TMEM132D: variants seen among roughly 807,000 people sequenced by gnomAD.
TMEM132D encodes the protein transmembrane protein 132D, also known as mature OL transmembrane protein.
In TMEM132D, 21 loss-of-function variants were observed where a neutral mutation model predicts 62.3. That is an observed-to-expected ratio of 0.34 (90% CI 0.24 to 0.49). The LOEUF is 0.49. Among genes scored for constraint, TMEM132D ranks in the 20% least tolerant of loss-of-function variants. The pLI, the probability that TMEM132D is intolerant of heterozygous loss-of-function variation, is 0.99. For missense variants in TMEM132D, 1,346 were observed against 1,402.8 expected, an observed-to-expected ratio of 0.96 and a Z score of 0.65; for synonymous variants, 621 against 575.6, an observed-to-expected ratio of 1.08 and a Z score of -1.13.
intron 4 of TMEM132D, among the ~76,000 whole-genome samples, chr12:129,232,644 C>A (rs771562615): frequency 7.2e-5 from 11 of 152,152 alleles, no homozygotes; most frequent in Non-Finnish European, 1.0e-4. Flanking sequence ...CTCACAATCA[C>A]ATTCTGTATT....
chr12:129,301,438 A>G (rs1188709548), intron 4 of TMEM132D, among the ~76,000 whole-genome samples: 2 of 152,100 alleles, frequency 1.3e-5, no homozygotes, highest in Non-Finnish European at 2.9e-5. Context: ...GCCATTAGCA[A>G]TGCTTAAAAA....
intron 4 of TMEM132D, among the ~76,000 whole-genome samples, chr12:129,319,174 A>C (rs1488486143): frequency 2.0e-5 from 3 of 152,124 alleles, no homozygotes; most frequent in Non-Finnish European, 4.4e-5. Context: ...TTCCTTCTCC[A>C]TGTGGAGTTT....
chr12:129,473,574 G>C (rs1359218918), intron 3 of TMEM132D, among the ~76,000 whole-genome samples: 1 of 151,634 alleles, frequency 6.6e-6, no homozygotes, highest in African/African-American at 2.4e-5. Flanking sequence ...GCAGTGATCT[G>C]CCCGCCTCGG....
chr12:129,250,783 TCTTTTGGG>T (rs1164256983), intron 4 of TMEM132D, among the ~76,000 whole-genome samples: 1 of 152,204 alleles, frequency 6.6e-6, no homozygotes, highest in African/African-American at 2.4e-5. Context: ...CTGGCTCTGG[TCTTTTGGG>T]GCAGTTCTTA....
intron 5 of TMEM132D, among the ~76,000 whole-genome samples, chr12:129,148,181 C>G (rs1876968033): frequency 6.6e-6 from 1 of 152,122 alleles, no homozygotes; most frequent in Non-Finnish European, 1.5e-5. Context: ...TCCATGGCAC[C>G]TATGAGGAGC....
intron 3 of TMEM132D, among the ~76,000 whole-genome samples, chr12:129,436,326 G>A (rs1872785939): frequency 6.6e-6 from 1 of 152,132 alleles, no homozygotes; most frequent in Non-Finnish European, 1.5e-5. Flanking sequence ...GATACATGGT[G>A]TCAAAACTAA....
At chr12:129,457,278 A>T (rs939276210) in intron 3 of TMEM132D, among the ~76,000 whole-genome samples, 1 of 151,912 alleles carries the variant, frequency 6.6e-6, no homozygotes, top group African/African-American at 2.4e-5. Flanking sequence ...TGATGAGTTT[A>T]TGTCCTTTGT....
At chr12:129,499,812 T>C (rs1253560288) in intron 3 of TMEM132D, among the ~76,000 whole-genome samples, 2 of 152,058 alleles carry the variant, frequency 1.3e-5, no homozygotes, top group African/African-American at 4.8e-5. Context: ...GATTAAGGAG[T>C]TATCCTGGCC....
intron 3 of TMEM132D, among the ~76,000 whole-genome samples, chr12:129,398,637 G>A (rs917841744): frequency 8.5e-5 from 13 of 152,160 alleles, no homozygotes; most frequent in Admixed American, 2.0e-4. Flanking sequence ...AAAGACACAC[G>A]ATATATAAAT....
intron 3 of TMEM132D, among the ~76,000 whole-genome samples, chr12:129,364,357 T>C (rs952707051): frequency 6.6e-6 from 1 of 152,226 alleles, no homozygotes; most frequent in Non-Finnish European, 1.5e-5. Flanking sequence ...ACGTAGTTCA[T>C]GTGGTACATC....
chr12:129,233,821 A>AT (rs1348914886), intron 4 of TMEM132D, among the ~76,000 whole-genome samples: 2 of 151,812 alleles, frequency 1.3e-5, no homozygotes, highest in Non-Finnish European at 2.9e-5. Flanking sequence ...TATTATTATT[A>AT]TTTTTTACAC....
chr12:129,134,537 G>A (rs1876499896), intron 5 of TMEM132D, among the ~76,000 whole-genome samples: 1 of 152,096 alleles, frequency 6.6e-6, no homozygotes. Context: ...TTTCTGTCAG[G>A]CATTTTTCCA....
At chr12:129,841,813 T>C (rs1873200701) in intron 1 of TMEM132D, among the ~76,000 whole-genome samples, 1 of 152,078 alleles carries the variant, frequency 6.6e-6, no homozygotes, top group East Asian at 1.9e-4. Flanking sequence ...AAATGGGTTC[T>C]AGTCCTTTTA....
chr12:129,747,405 C>A (rs1159984197), intron 1 of TMEM132D, among the ~76,000 whole-genome samples: 3 of 151,814 alleles, frequency 2.0e-5, no homozygotes, highest in African/African-American at 7.3e-5. Flanking sequence ...CACACTCAGA[C>A]ACACACACAT....
At chr12:129,657,761 T>C (rs1486652691) in intron 2 of TMEM132D, among the ~76,000 whole-genome samples, 2 of 152,242 alleles carry the variant, frequency 1.3e-5, no homozygotes, top group East Asian at 3.8e-4. Flanking sequence ...TACCAAAGTG[T>C]GTCCTTAAAC....
At chr12:129,699,738 T>G in intron 2 of TMEM132D, 72 bp downstream of exon 2, 1 of 1,561,934 alleles carries the variant, frequency 6.4e-7, no homozygotes. Flanking sequence ...ACAGCTTTTC[T>G]GGTCAAACAG....
chr12:129,581,645 T>G (rs1203046954), intron 2 of TMEM132D, among the ~76,000 whole-genome samples: 2 of 152,168 alleles, frequency 1.3e-5, no homozygotes, highest in Non-Finnish European at 2.9e-5. Context: ...CAAGTTGGCT[T>G]TTCCCACCTT....
chr12:129,292,095 A>G (rs1342580608), intron 4 of TMEM132D, among the ~76,000 whole-genome samples: 2 of 152,190 alleles, frequency 1.3e-5, no homozygotes, highest in Non-Finnish European at 2.9e-5. Flanking sequence ...TGAAATTAAT[A>G]AGCATGAGCT....
At chr12:129,560,140 C>T (rs754150455) in intron 2 of TMEM132D, among the ~76,000 whole-genome samples, 2 of 152,234 alleles carry the variant, frequency 1.3e-5, no homozygotes, top group Non-Finnish European at 2.9e-5. Flanking sequence ...CTCAACTCTT[C>T]ATAGGTGGGC....
Sources: gnomAD v4.1 joint callset for allele counts (sites outside exome capture counted in the v4.1 genomes callset) on GRCh38, gnomAD v4.1.1 for gene constraint, MANE v1.5 for transcripts, NCBI Gene and HGNC (gene_info 2026-07-23, HGNC 2026-07-21) for gene names.